MAP9: variants seen among roughly 807,000 people sequenced by gnomAD.
The protein encoded by MAP9 is microtubule-associated protein 9.
A neutral mutation model predicts 75.2 loss-of-function variants in MAP9; 80 were observed. The ratio of observed to expected loss-of-function variants is 1.06; its 90% CI spans 0.89 to 1.28. The LOEUF (loss-of-function observed/expected upper bound fraction) is 1.28. Ranked by LOEUF, MAP9 falls within the 50% of genes most tolerant of loss-of-function variation. MAP9 has a pLI of 0.00. For missense variants in MAP9, 753 were observed against 719.9 expected (o/e 1.05, Z -0.53); for synonymous variants, 235 against 237.3 (o/e 0.99, Z 0.09).
chr4:155,355,099 C>T lies in MAP9; in HGVS notation c.1352G>A (p.Ser451Asn), dbSNP rs372432255. Residue 451 changes from serine (S) to asparagine (N), a missense_variant, in exon 10 of 14, where the codon AGT becomes AAT. Coordinates refer to ENST00000311277, the MANE Select transcript of MAP9 (RefSeq NM_001039580.2). The part of the protein sequence containing the change: ...HEMHRIKRIE[S>N]ENLRIQNEQK... ...TTCATTTTGGATCCTTAAGTTTTCA[C>T]TTTCAATTCTTTTTATTCTGTGCAT... 46 of 1,410,608 alleles carry T rather than the reference C, an allele frequency of 3.3e-5. No homozygotes were observed. Among genetic ancestry groups the T allele is most frequent in the Non-Finnish European group, 4.2e-5 (44 of 1,039,598 alleles). The allele number at this position is 1,410,608 out of a possible 1,614,324, so 87.4% of individuals were successfully genotyped here. A position where few individuals can be genotyped will look rare whatever the true frequency, so the allele number is the denominator to read the frequency against.
At position 155,352,667 on chromosome 4, in the gene MAP9, T is replaced by C. The variant is rs773769640; in HGVS notation, c.1750A>G (p.Lys584Glu). Residue 584 changes from lysine to glutamate, a missense_variant, in exon 13 of 14, where the codon AAG becomes GAG. Transcript: ENST00000311277. ...KEKEKINEKR[K>E]EELKRAEKKD... ...TTCTCAGCTCTTTTCAGTTCTTCCTTTCTTTTCTCATTTATTTTTTCTTTT... is the reference window on the plus strand; with the variant it reads ...TTCTCAGCTCTTTTCAGTTCTTCCTCTCTTTTCTCATTTATTTTTTCTTTT... 2.6e-6 allele frequency: 4 copies of C among 1,552,074 alleles called. No homozygotes were observed. In the South Asian group the frequency reaches 3.5e-5, roughly 13 times the overall value.
Position 155,344,769 on chromosome 4 carries a change from CATT to C in MAP9, c.*3011_*3013del, listed in dbSNP as rs1183758125. ...AGTTAAATAGCATTACCACTTTCTTCATTATTATGAAATTTAAATTCTGTATAC... is the reference window on the plus strand; with the variant it reads ...AGTTAAATAGCATTACCACTTTCTTCATTATGAAATTTAAATTCTGTATAC... On this transcript the variant is annotated 3_prime_UTR_variant, in exon 14 of 14. Transcript: ENST00000311277. The C allele has an allele frequency of 1.8e-4, 27 of 151,850 alleles. No homozygotes were observed. The highest frequency in any genetic ancestry group is 1.8e-3 in the Admixed American group (27 of 15,222). 9.4% of individuals were successfully genotyped at this position (151,850 alleles called of 1,614,324 possible).
intron 5 of MAP9, 125 bp downstream of exon 5, chr4:155,368,461 G>A (rs1327461187): frequency 1.3e-6 from 1 of 761,188 alleles, no homozygotes; most frequent in Admixed American, 2.4e-5. Context: ...CTTATCAGTT[G>A]CAGAAGAAAG....
intron 5 of MAP9, among the ~76,000 whole-genome samples, chr4:155,363,796 C>A (rs1242480962): frequency 6.6e-6 from 1 of 151,854 alleles, no homozygotes; most frequent in Non-Finnish European, 1.5e-5. Flanking sequence ...CTAAGTAATA[C>A]AAGTTATTCA....
chr4:155,374,844 A>G lies in MAP9; in HGVS notation c.160+93T>C, dbSNP rs1578865695. Reference sequence around the variant, plus strand: ...CTTAGGTATTATTTTAACATACGTGATTGAGGGGATGGGTGGTTGGGGGGC... The same window carrying G: ...CTTAGGTATTATTTTAACATACGTGGTTGAGGGGATGGGTGGTTGGGGGGC... On this transcript the variant is annotated intron_variant, in intron 3 of 13. Transcript: ENST00000311277. The G allele has an allele frequency of 3.7e-5, 25 of 672,076 alleles. No homozygotes were observed. The East Asian group carries it at 6.6e-4, about 18-fold the overall frequency. The allele number at this position is 672,076 out of a possible 1,614,324, so 41.6% of individuals were successfully genotyped here. A position where few individuals can be genotyped will look rare whatever the true frequency, so the allele number is the denominator to read the frequency against.
intron 10 of MAP9, chr4:155,354,484 T>TTTTTTC (rs1731673229): frequency 6.6e-6 from 1 of 151,004 alleles, no homozygotes; most frequent in Non-Finnish European, 1.5e-5. Context: ...TTTTTTTTTT[T>TTTTTTC]TGAGACAGAG....
chr4:155,364,789 C>T (rs1034976107), intron 5 of MAP9, among the ~76,000 whole-genome samples: 2 of 150,978 alleles, frequency 1.3e-5, no homozygotes, highest in Non-Finnish European at 1.5e-5. Flanking sequence ...AAATGTGAAA[C>T]AATACAATAT....
At position 155,347,032 on chromosome 4, in the gene MAP9, CA is replaced by C. The variant is rs1731310553; in HGVS notation, c.*750del. ...TGACCTTGAACTCCTGTGGAATTTC[CA>C]TAACTAATACATAAGTATATCACTA... On this transcript the variant is annotated 3_prime_UTR_variant, in exon 14 of 14. Coordinates refer to ENST00000311277, the MANE Select transcript of MAP9 (RefSeq NM_001039580.2). The C allele has an allele frequency of 6.6e-6, 1 of 152,062 alleles. No homozygotes were observed. The highest frequency in any genetic ancestry group is 1.5e-5 in the Non-Finnish European group (1 of 68,006). The allele number at this position is 152,062 out of a possible 1,614,324, so 9.4% of individuals were successfully genotyped here. A position where few individuals can be genotyped will look rare whatever the true frequency, so the allele number is the denominator to read the frequency against.
rs1033840790 is a variant in MAP9 at position 155,353,230 on chromosome 4, G to T, written c.1491C>A (p.Asn497Lys). ...IAAKKRLEEK[N>K]KKKTEEENAA... ...CATTTTCTTCTTCAGTTTTCTTCTT[G>T]TTTTTTTCTTCAAGCCTCTTTTTGG... Residue 497 changes from asparagine to lysine, a missense_variant, in exon 11 of 14, where the codon AAC becomes AAA. Coordinates refer to ENST00000311277, the MANE Select transcript of MAP9 (RefSeq NM_001039580.2). 15 of 1,599,916 alleles carry T rather than the reference G, an allele frequency of 9.4e-6. No homozygotes were observed. Among genetic ancestry groups the T allele is most frequent in the East Asian group, 2.3e-5 (1 of 43,860 alleles).
At chr4:155,370,619 T>C (rs1160823432) in intron 4 of MAP9, among the ~76,000 whole-genome samples, 1 of 152,064 alleles carries the variant, frequency 6.6e-6, no homozygotes, top group Non-Finnish European at 1.5e-5. Context: ...CAGAATATTA[T>C]ATAATGCCTG....
intron 4 of MAP9, among the ~76,000 whole-genome samples, chr4:155,370,014 CT>C (rs1220808088): frequency 6.6e-6 from 1 of 152,148 alleles, no homozygotes; most frequent in Non-Finnish European, 1.5e-5. Context: ...TAAAAATGGG[CT>C]TATGGATTCT....
intron 6 of MAP9, chr4:155,360,945 A>G (rs1290838138): frequency 2.0e-5 from 3 of 153,606 alleles, no homozygotes; most frequent in African/African-American, 7.2e-5. Context: ...CTCTGATACC[A>G]TAAGGGGCAA....
chr4:155,352,770 T>C, intron 12 of MAP9, 42 bp from the exon 13 acceptor site: 1 of 1,499,026 alleles, frequency 6.7e-7, no homozygotes, highest in Admixed American at 2.2e-5. Context: ...TAAAGGAAAA[T>C]ACATAATAAA....
At chr4:155,368,140 T>C (rs933947504) in intron 5 of MAP9, 1 of 197,252 alleles carries the variant, frequency 5.1e-6, no homozygotes, top group Non-Finnish European at 1.0e-5. Flanking sequence ...CAACACACAT[T>C]TGTTGAGTGA....
At chr4:155,348,819 GT>G (rs1454383555) in intron 13 of MAP9, among the ~76,000 whole-genome samples, 1 of 152,046 alleles carries the variant, frequency 6.6e-6, no homozygotes, top group Non-Finnish European at 1.5e-5. Context: ...ACCTTTGTGA[GT>G]CATTTCTGAT....
intron 7 of MAP9, 79 bp downstream of exon 7, chr4:155,360,089 A>G: frequency 7.4e-7 from 1 of 1,342,974 alleles, no homozygotes; most frequent in Non-Finnish European, 1.0e-6. Context: ...AGAAGTATAT[A>G]ACACAGAAGA....
intron 10 of MAP9, 29 bp from the exon 11 acceptor site, chr4:155,353,369 T>C: frequency 6.6e-7 from 1 of 1,510,054 alleles, no homozygotes; most frequent in Non-Finnish European, 8.8e-7. Flanking sequence ...TAGAGTGATA[T>C]ACATATATAT....
At chr4:155,375,483 T>C (rs1295665990) in intron 2 of MAP9, among the ~76,000 whole-genome samples, 1 of 152,088 alleles carries the variant, frequency 6.6e-6, no homozygotes, top group Non-Finnish European at 1.5e-5. Context: ...AAAAAAAAAC[T>C]TAAACATTAT....
intron 4 of MAP9, among the ~76,000 whole-genome samples, chr4:155,371,281 G>C (rs1430379121): frequency 2.7e-5 from 4 of 149,880 alleles, no homozygotes; most frequent in Non-Finnish European, 5.9e-5. Context: ...TTCCAAACCT[G>C]TACAGAAAAA....
Sources: gnomAD v4.1 joint callset for allele counts (sites outside exome capture counted in the v4.1 genomes callset) on GRCh38, gnomAD v4.1.1 for gene constraint, MANE v1.5 for transcripts, NCBI Gene and HGNC (gene_info 2026-07-23, HGNC 2026-07-21) for gene names.